Variants in VWA8 observed in about 807,000 individuals in gnomAD.
The protein encoded by VWA8 is von Willebrand factor A domain-containing protein 8.
A neutral mutation model predicts 241.5 loss-of-function variants in VWA8; 221 were observed. The observed-to-expected ratio is 0.91, with a 90% CI of 0.82 to 1.02. The LOEUF is 1.02. VWA8 is among the 50% of genes least tolerant of loss of function. The probability of loss-of-function intolerance (pLI) is 0.00; values close to 1 mark genes in which losing one functional copy is unlikely to be tolerated. For missense variants in VWA8, 2,322 were observed against 2,328.7 expected (o/e 1.00, Z 0.06); for synonymous variants, 852 against 827.1 (o/e 1.03, Z -0.52).
chr13:41,782,459 T>C (rs1868932387), intron 19 of VWA8, among the ~76,000 whole-genome samples: 1 of 152,242 alleles, frequency 6.6e-6, no homozygotes, highest in Non-Finnish European at 1.5e-5. Context: ...TAATCATGTT[T>C]TTGCCTTTGA....
At chr13:41,734,052 C>G (rs908787669) in intron 21 of VWA8, among the ~76,000 whole-genome samples, 1 of 152,098 alleles carries the variant, frequency 6.6e-6, no homozygotes, top group Non-Finnish European at 1.5e-5. Context: ...AGAAATGGTA[C>G]ATTATGGCCG....
At chr13:41,794,683 G>A (rs556588327) in intron 17 of VWA8, among the ~76,000 whole-genome samples, 2 of 152,268 alleles carry the variant, frequency 1.3e-5, no homozygotes, top group African/African-American at 4.8e-5. Context: ...GAATAAAAGT[G>A]GTGAAAGAGG....
At chr13:41,710,733 G>A (rs894353246) in intron 26 of VWA8, among the ~76,000 whole-genome samples, 1 of 152,182 alleles carries the variant, frequency 6.6e-6, no homozygotes, top group African/African-American at 2.4e-5. Flanking sequence ...GAAAATGAAA[G>A]AAAGGCACAA....
intron 36 of VWA8, 84 bp downstream of exon 36, chr13:41,675,131 G>A: frequency 2.2e-6 from 2 of 907,162 alleles, no homozygotes; most frequent in Non-Finnish European, 3.3e-6. Context: ...AAGCAAAAAA[G>A]TACTCATTTA....
intron 5 of VWA8, among the ~76,000 whole-genome samples, chr13:41,891,201 C>G (rs1163626829): frequency 7.3e-6 from 1 of 136,460 alleles, no homozygotes; most frequent in African/African-American, 2.7e-5. Context: ...TTAGACTGAC[C>G]AAAAAAAAAA....
intron 4 of VWA8, among the ~76,000 whole-genome samples, chr13:41,901,651 T>A (rs1177201849): frequency 1.3e-5 from 2 of 151,858 alleles, no homozygotes; most frequent in African/African-American, 4.8e-5. Context: ...GCGGATCACC[T>A]GAGGTCAGTT....
Position 41,719,660 on chromosome 13 carries a change from A to G in VWA8, c.3047T>C (p.Leu1016Ser). ...DSYNNDMREI[L>S]INTLHKYGIP... is the part of the protein sequence containing the mutation. ...CCCGTATTTGTGTAAAGTGTTAATC[A>G]ATATCTCCCTCATGTCATTGTTGTA... The change falls in exon 26 of 45, where the codon TTG becomes TCG. Residue 1016 changes from leucine (L) to serine (S), a missense_variant. Coordinates refer to ENST00000379310, the MANE Select transcript of VWA8 (RefSeq NM_015058.2). 1 of 1,613,324 alleles carries G rather than the reference A, an allele frequency of 6.2e-7. No individual in the cohort carries two copies. Among genetic ancestry groups the G allele is most frequent in the African/African-American group, 1.3e-5 (1 of 75,008 alleles).
intron 9 of VWA8, among the ~76,000 whole-genome samples, chr13:41,882,779 C>CAGAGGGAGACCGTGGAAAGAGAGGG (rs1874313687): frequency 6.6e-6 from 1 of 151,282 alleles, no homozygotes; most frequent in Non-Finnish European, 1.5e-5. Flanking sequence ...GGCTGGGCAT[C>CAGAGGGAGACCGTGGAAAGAGAGGG]AGAGGGAGAC....
intron 29 of VWA8, among the ~76,000 whole-genome samples, chr13:41,693,298 TTC>T (rs1182046539): frequency 5.9e-5 from 9 of 152,062 alleles, no homozygotes; most frequent in African/African-American, 2.2e-4. Flanking sequence ...TGAACCATGA[TTC>T]TGTTTTATTA....
intron 9 of VWA8, among the ~76,000 whole-genome samples, chr13:41,876,290 C>T (rs1395677627): frequency 1.3e-5 from 2 of 152,170 alleles, no homozygotes; most frequent in Non-Finnish European, 2.9e-5. Context: ...TTCCACCTCA[C>T]ACAGACTGAA....
chr13:41,620,762 TC>T (rs1270994787), intron 37 of VWA8, among the ~76,000 whole-genome samples: 1 of 152,218 alleles, frequency 6.6e-6, no homozygotes, highest in Non-Finnish European at 1.5e-5. Flanking sequence ...ATTTATGTAT[TC>T]TTTAAAAACA....
chr13:41,788,921 T>G (rs1593773891), intron 17 of VWA8, among the ~76,000 whole-genome samples: 1 of 152,256 alleles, frequency 6.6e-6, no homozygotes, highest in Non-Finnish European at 1.5e-5. Flanking sequence ...TGGAAACATT[T>G]CTAGATTACA....
chr13:41,735,375 G>A (rs112959287), intron 21 of VWA8, among the ~76,000 whole-genome samples: 2,898 of 152,206 alleles, frequency 0.019, 94 homozygotes, highest in African/African-American at 0.065. Context: ...TGTAACACTC[G>A]AATTCTGATA....
chr13:41,568,003 T>C lies in VWA8; in HGVS notation c.*194A>G, dbSNP rs2044272278. 3.5e-6 allele frequency: 2 copies of C among 571,072 alleles called. No individual in the cohort carries two copies. The highest frequency in any genetic ancestry group is 6.3e-5 in the Admixed American group (2 of 31,938). 35.4% of individuals were successfully genotyped at this position (571,072 alleles called of 1,614,324 possible). Reference sequence around the variant, plus strand: ...CTTCTAAACTCATCAGTGGAGTATCTTTCCATGTTTAAGTCTCCTTCTGGC... The same window carrying C: ...CTTCTAAACTCATCAGTGGAGTATCCTTCCATGTTTAAGTCTCCTTCTGGC... On this transcript the variant is annotated 3_prime_UTR_variant, in exon 45 of 45. Transcript: ENST00000379310.
intron 40 of VWA8, among the ~76,000 whole-genome samples, chr13:41,604,479 G>A (rs1284182431): frequency 6.6e-6 from 1 of 151,922 alleles, no homozygotes; most frequent in East Asian, 1.9e-4. Flanking sequence ...CAGAGTTTTG[G>A]GTTAAAATGG....
Position 41,926,402 on chromosome 13 carries a change from G to A in VWA8, c.242-14234C>T. On this transcript the variant is annotated intron_variant, in intron 2 of 44. Transcript: ENST00000379310. ...GATTCCTAAAGATTGAAACTCCCAT[G>A]GTGAACATCATCCCGGGGGAGCTGT... is the stretch of plus-strand genomic sequence containing the variant. 7.3e-6 allele frequency: 4 copies of A among 544,972 alleles called. No homozygotes were observed. In the Admixed American group the frequency reaches 8.9e-5, roughly 12 times the overall value. 33.8% of individuals were successfully genotyped at this position (544,972 alleles called of 1,614,324 possible).
At chr13:41,750,557 G>A (rs997545926) in intron 21 of VWA8, among the ~76,000 whole-genome samples, 61 of 151,606 alleles carry the variant, frequency 4.0e-4, no homozygotes, top group African/African-American at 1.4e-3. Context: ...ATTAACAGAC[G>A]GTTAAGAGAA....
At chr13:41,758,275 C>A (rs2045708544) in intron 21 of VWA8, among the ~76,000 whole-genome samples, 1 of 148,956 alleles carries the variant, frequency 6.7e-6, no homozygotes, top group Non-Finnish European at 1.5e-5. Context: ...TTAAAATTTG[C>A]ATATATTCTG....
intron 17 of VWA8, among the ~76,000 whole-genome samples, chr13:41,802,516 C>G (rs1197189744): frequency 2.0e-5 from 3 of 152,182 alleles, no homozygotes; most frequent in African/African-American, 7.2e-5. Context: ...TGCGGACAGC[C>G]AAGGCAGTGC....
Sources: gnomAD v4.1 joint callset for allele counts (sites outside exome capture counted in the v4.1 genomes callset) on GRCh38, gnomAD v4.1.1 for gene constraint, MANE v1.5 for transcripts, NCBI Gene and HGNC (gene_info 2026-07-23, HGNC 2026-07-21) for gene names.